Variants in PHB1 observed in about 807,000 individuals in gnomAD.
PHB1 encodes prohibitin 1, also known as epididymis luminal protein 215.
chr17:49,406,115 T>C, the PHB1 span, among the ~76,000 whole-genome samples: 1 of 152,224 alleles, frequency 6.6e-6, no homozygotes, highest in South Asian at 2.1e-4. Context: ...ATCTCTGAAG[T>C]TATGGCAGAT....
chr17:49,413,361 C>T, the PHB1 span: 4 of 814,272 alleles, frequency 4.9e-6, no homozygotes, highest in Admixed American at 6.1e-5. Flanking sequence ...CTCTGACACA[C>T]AACAGTCACT....
the PHB1 span, among the ~76,000 whole-genome samples, chr17:49,405,648 G>A: frequency 6.6e-6 from 1 of 152,110 alleles, no homozygotes; most frequent in Admixed American, 6.6e-5. Flanking sequence ...GGTGGCTCAT[G>A]CCTGTAATCC....
At chr17:49,411,199 CTTTTTTTTTT>C in the PHB1 span, among the ~76,000 whole-genome samples, 1 of 117,476 alleles carries the variant, frequency 8.5e-6, no homozygotes, top group Admixed American at 8.7e-5. Flanking sequence ...TAGAAGCAGG[CTTTTTTTTTT>C]TTTTTTTTTG....
At chr17:49,409,400 G>T in the PHB1 span, 1 of 1,614,178 alleles carries the variant, frequency 6.2e-7, no homozygotes, top group Non-Finnish European at 8.5e-7. Flanking sequence ...CTCCGATGCT[G>T]GTGAAGATGC....
chr17:49,409,762 C>T, the PHB1 span, among the ~76,000 whole-genome samples: 2 of 152,092 alleles, frequency 1.3e-5, no homozygotes, highest in African/African-American at 4.8e-5. Flanking sequence ...TCTCAAACTC[C>T]TGACCTCAGG....
chr17:49,406,928 C>T, the PHB1 span: 30 of 1,068,466 alleles, frequency 2.8e-5, no homozygotes, highest in Non-Finnish European at 3.7e-5. Flanking sequence ...GCTCCATGGC[C>T]GCTGGAAGAA....
At chr17:49,410,269 T>G in the PHB1 span, among the ~76,000 whole-genome samples, 1 of 152,348 alleles carries the variant, frequency 6.6e-6, no homozygotes, top group East Asian at 1.9e-4. Flanking sequence ...TTCTCCTGCC[T>G]CAGCCTCTTG....
chr17:49,406,126 A>T, the PHB1 span, among the ~76,000 whole-genome samples: 1 of 152,262 alleles, frequency 6.6e-6, no homozygotes, highest in Non-Finnish European at 1.5e-5. Context: ...TATGGCAGAT[A>T]CAAAGCAACA....
At chr17:49,406,163 A>G in the PHB1 span, among the ~76,000 whole-genome samples, 1 of 152,348 alleles carries the variant, frequency 6.6e-6, no homozygotes, top group East Asian at 1.9e-4. Flanking sequence ...CAGTGTTTTC[A>G]TTCTCCAAAA....
At chr17:49,409,547 T>TTG in the PHB1 span, 25 of 948,238 alleles carry the variant, frequency 2.6e-5, no homozygotes, top group African/African-American at 3.7e-4. Flanking sequence ...TTTTTTGTTT[T>TTG]TTTTTTTTTT....
chr17:49,413,660 C>T, the PHB1 span, among the ~76,000 whole-genome samples: 6 of 151,960 alleles, frequency 3.9e-5, no homozygotes, highest in Admixed American at 3.9e-4. Flanking sequence ...AGAAGTGTGC[C>T]ACCATGCCCG....
chr17:49,405,355 G>A, the PHB1 span: 2 of 652,140 alleles, frequency 3.1e-6, no homozygotes, highest in Non-Finnish European at 5.4e-6. Flanking sequence ...GGGGAAGCGG[G>A]GGGAAGCAGA....
At chr17:49,412,514 A>T in the PHB1 span, among the ~76,000 whole-genome samples, 1 of 152,242 alleles carries the variant, frequency 6.6e-6, no homozygotes, top group Non-Finnish European at 1.5e-5. Context: ...TCCTCTTGTC[A>T]GCCAGCCACA....
chr17:49,406,958 G>A, the PHB1 span: 1 of 767,996 alleles, frequency 1.3e-6, no homozygotes, highest in Non-Finnish European at 2.3e-6. Flanking sequence ...AATGGCTCTA[G>A]CAGCTGGAGG....
the PHB1 span, among the ~76,000 whole-genome samples, chr17:49,407,949 G>A: frequency 1.3e-5 from 2 of 152,244 alleles, no homozygotes; most frequent in African/African-American, 4.8e-5. Context: ...GCTGAGGGCA[G>A]CAAATTCCCC....
chr17:49,404,570 C>T, the PHB1 span: 7 of 257,594 alleles, frequency 2.7e-5, no homozygotes, highest in Non-Finnish European at 4.6e-5. Flanking sequence ...TCAGTTCAGC[C>T]GCACATGCCC....
the PHB1 span, among the ~76,000 whole-genome samples, chr17:49,414,047 C>T: frequency 1.3e-5 from 2 of 152,038 alleles, no homozygotes; most frequent in South Asian, 2.1e-4. Context: ...AAAAAGTAAC[C>T]GTAACAGCTA....
chr17:49,409,082 C>T, the PHB1 span: 2 of 1,612,208 alleles, frequency 1.2e-6, no homozygotes, highest in Non-Finnish European at 8.5e-7. Context: ...GGTGGCGGCT[C>T]GCTCTGTAAG....
At chr17:49,414,135 G>T in the PHB1 span, 1 of 152,124 alleles carries the variant, frequency 6.6e-6, no homozygotes, top group East Asian at 1.9e-4. Context: ...TACTACAGAG[G>T]AAACAGAGGC....
Sources: allele counts gnomAD v4.1 joint callset (sites outside exome capture counted in the v4.1 genomes callset), GRCh38; gene constraint gnomAD v4.1.1; transcripts MANE v1.5; gene names NCBI Gene and HGNC (gene_info 2026-07-23, HGNC 2026-07-21).